Variants in PFKP observed in about 807,000 individuals in gnomAD.
The protein encoded by PFKP is phosphofructokinase, platelet.
Under a neutral mutation model 94.3 loss-of-function variants are expected in PFKP, and 101 were observed. That is an observed-to-expected ratio of 1.07 (90% confidence interval 0.91 to 1.26). The LOEUF is 1.26. PFKP is among the 50% of genes most tolerant of loss of function. The pLI is 0.00. For synonymous variants in PFKP, 573 were observed against 432.6 expected (o/e 1.32, Z -4.03); for missense variants, 1,145 against 1,103.3 (o/e 1.04, Z -0.53).
At chr10:3,116,640 T>C (rs992789187) in intron 13 of PFKP, 136 bp from the exon 14 acceptor site, 3 of 702,728 alleles carry the variant, frequency 4.3e-6, no homozygotes, top group African/African-American at 1.8e-5. Context: ...GGCATCGTGA[T>C]AAATGCTGTC....
intron 16 of PFKP, among the ~76,000 whole-genome samples, chr10:3,124,155 C>T (rs1309349926): frequency 1.3e-5 from 2 of 152,248 alleles, no homozygotes; most frequent in Non-Finnish European, 2.9e-5. Flanking sequence ...CACTGTCCGA[C>T]TCTCCCAGGG....
At chr10:3,121,803 C>CTTTTCTTTCTTTTTTTTTTTTT (rs1564339123) in intron 16 of PFKP, among the ~76,000 whole-genome samples, 1 of 32,624 alleles carries the variant, frequency 3.1e-5, no homozygotes. Context: ...CTTTTTTTTT[C>CTTTTCTTTCTTTTTTTTTTTTT]TTTTTTTTTT....
At chr10:3,075,219 C>A (rs534286097) in intron 1 of PFKP, among the ~76,000 whole-genome samples, 1 of 152,152 alleles carries the variant, frequency 6.6e-6, no homozygotes, top group Non-Finnish European at 1.5e-5. Context: ...AACCTTCCAG[C>A]CTGGGCGTTA....
At chr10:3,104,044 C>T (rs1429277390) in intron 5 of PFKP, 100 bp downstream of exon 5, 15 of 1,080,862 alleles carry the variant, frequency 1.4e-5, no homozygotes, top group Non-Finnish European at 2.0e-5. Context: ...GATTGGGTGT[C>T]CTGGTGCTGG....
At chr10:3,109,508 AG>A in intron 10 of PFKP, 28 bp downstream of exon 10, 1 of 1,597,738 alleles carries the variant, frequency 6.3e-7, no homozygotes, top group Non-Finnish European at 8.5e-7. Context: ...GGCCAAGGGC[AG>A]GGCGGAGACG....
At chr10:3,098,736 G>A (rs1258261424) in intron 2 of PFKP, among the ~76,000 whole-genome samples, 1 of 148,948 alleles carries the variant, frequency 6.7e-6, no homozygotes, top group Admixed American at 6.7e-5. Flanking sequence ...CTCACATATT[G>A]ATATCTGATT....
chr10:3,098,827 T>C (rs1390369656), intron 2 of PFKP, among the ~76,000 whole-genome samples: 2 of 152,192 alleles, frequency 1.3e-5, no homozygotes, highest in Non-Finnish European at 2.9e-5. Context: ...ATATTCAACA[T>C]ACATCCCAAG....
intron 14 of PFKP, among the ~76,000 whole-genome samples, chr10:3,118,133 G>A (rs1388091113): frequency 6.6e-6 from 1 of 152,150 alleles, no homozygotes; most frequent in Non-Finnish European, 1.5e-5. Context: ...GAGATCAATA[G>A]TGGATAATGC....
At chr10:3,072,102 C>T (rs546606673) in intron 1 of PFKP, among the ~76,000 whole-genome samples, 1 of 152,374 alleles carries the variant, frequency 6.6e-6, no homozygotes, top group South Asian at 2.1e-4. Flanking sequence ...GGAATCTCCA[C>T]TGAGGAGCAG....
chr10:3,072,928 A>G (rs1305393052), intron 1 of PFKP, among the ~76,000 whole-genome samples: 1 of 151,896 alleles, frequency 6.6e-6, no homozygotes, highest in East Asian at 1.9e-4. Flanking sequence ...TATGTCAGTA[A>G]TTGGGTTCCG....
At chr10:3,126,984 C>T (rs1285382984) in intron 16 of PFKP, among the ~76,000 whole-genome samples, 1 of 152,266 alleles carries the variant, frequency 6.6e-6, no homozygotes, top group Non-Finnish European at 1.5e-5. Context: ...ACACAGCCCT[C>T]TGCCATCCTT....
At chr10:3,112,341 C>A in intron 11 of PFKP, 55 bp downstream of exon 11, 1 of 1,342,192 alleles carries the variant, frequency 7.5e-7, no homozygotes, top group Non-Finnish European at 1.1e-6. Context: ...CCCTCAGGCC[C>A]AGCCACTGCA....
intron 16 of PFKP, among the ~76,000 whole-genome samples, chr10:3,126,477 C>T (rs1170402772): frequency 1.3e-5 from 2 of 152,218 alleles, no homozygotes; most frequent in East Asian, 1.9e-4. Flanking sequence ...CTTCCACCCT[C>T]GCGCCCCACA....
intron 4 of PFKP, among the ~76,000 whole-genome samples, chr10:3,103,055 G>A (rs893424653): frequency 1.3e-5 from 2 of 152,196 alleles, no homozygotes; most frequent in African/African-American, 4.8e-5. Context: ...GCTCACCCAC[G>A]ATCCAGCTTC....
chr10:3,118,546 G>GGT (rs1837062669), intron 14 of PFKP, among the ~76,000 whole-genome samples: 1 of 152,188 alleles, frequency 6.6e-6, no homozygotes, highest in Non-Finnish European at 1.5e-5. Flanking sequence ...TTTAGGTCAA[G>GGT]GTATGAGCTG....
At chr10:3,086,845 G>T (rs768480776) in intron 2 of PFKP, among the ~76,000 whole-genome samples, 2 of 152,160 alleles carry the variant, frequency 1.3e-5, no homozygotes, top group Non-Finnish European at 2.9e-5. Context: ...GTAGTCGCCC[G>T]TCTGTTTCCT....
chr10:3,119,769 TTCGTGATGCCC>T, intron 15 of PFKP, 112 bp from the exon 16 acceptor site: 1 of 575,782 alleles, frequency 1.7e-6, no homozygotes, highest in South Asian at 2.4e-5. Context: ...TCGGAGTGTT[TTCGTGATGCCC>T]CAGTGTGCTC....
chr10:3,115,414 G>A (rs1456371097), intron 13 of PFKP, among the ~76,000 whole-genome samples: 3 of 77,636 alleles, frequency 3.9e-5, no homozygotes, highest in Admixed American at 1.3e-4. Context: ...GTGAAGGTGT[G>A]TGTCCCGCCA....
At chr10:3,115,109 C>T (rs1046190055) in intron 13 of PFKP, among the ~76,000 whole-genome samples, 6 of 152,284 alleles carry the variant, frequency 3.9e-5, no homozygotes, top group Admixed American at 1.3e-4. Flanking sequence ...CACTCCATTC[C>T]TGGCCTGAGC....
Sources: allele counts gnomAD v4.1 joint callset (sites outside exome capture counted in the v4.1 genomes callset), GRCh38; gene constraint gnomAD v4.1.1; transcripts MANE v1.5; gene names NCBI Gene and HGNC (gene_info 2026-07-23, HGNC 2026-07-21).